The following STAU1 variants were observed in gnomAD, a reference collection of about 807,000 sequenced individuals.
The protein encoded by STAU1 is double-stranded RNA-binding protein Staufen homolog 1.
STAU1 carries 13 observed loss-of-function variants against 62.9 expected under a neutral mutation model. That is an observed-to-expected ratio of 0.21 (90% CI 0.13 to 0.33). STAU1 has a LOEUF of 0.33. Ranked by LOEUF, STAU1 falls within the 10% of genes least tolerant of loss-of-function variation. The pLI, the probability that STAU1 is intolerant of heterozygous loss-of-function variation, is 1.00. For missense variants in STAU1, 571 were observed against 712.1 expected (o/e 0.80, Z 2.25); for synonymous variants, 269 against 265.1 (o/e 1.01, Z -0.14).
intron 2 of STAU1, among the ~76,000 whole-genome samples, chr20:49,168,235 C>T (rs1178360844): frequency 6.6e-6 from 1 of 152,010 alleles, no homozygotes; most frequent in African/African-American, 2.4e-5. Flanking sequence ...CATGAGCCAC[C>T]ATGCCTGGCT....
In STAU1 at chr20:49,164,089, G is replaced by C. The variant is rs114892009; in HGVS notation, c.205+1908C>G. On this transcript the variant is annotated intron_variant, in intron 3 of 13. Coordinates refer to ENST00000371856, the MANE Select transcript of STAU1 (RefSeq NM_017453.4). Reference sequence around the variant, plus strand: ...TCTACTAAAAATACAAAACAGCCGAGCGTAGTGGCAGGCACCTGTAATCCC... The same window carrying C: ...TCTACTAAAAATACAAAACAGCCGACCGTAGTGGCAGGCACCTGTAATCCC... Among the ~76,000 whole-genome samples, 1,227 of 152,160 alleles carry C rather than the reference G, an allele frequency of 8.1e-3. 17 individuals are homozygous for C. Among genetic ancestry groups the C allele is most frequent in the African/African-American group, 0.028 (1,163 of 41,524 alleles).
chr20:49,129,279 A>ATTTTTT (rs1337866356), intron 6 of STAU1, among the ~76,000 whole-genome samples: 52 of 101,960 alleles, frequency 5.1e-4, no homozygotes, highest in African/African-American at 1.4e-3. Flanking sequence ...TTTAAAAAAA[A>ATTTTTT]ATTTTTTTTT....
chr20:49,144,822 C>T (rs1190188963), intron 5 of STAU1, among the ~76,000 whole-genome samples: 7 of 152,138 alleles, frequency 4.6e-5, no homozygotes, highest in Non-Finnish European at 7.4e-5. Flanking sequence ...CTTTATCATT[C>T]TTCCATTTTC....
chr20:49,170,532 T>C (rs2093583730), intron 2 of STAU1, among the ~76,000 whole-genome samples: 1 of 152,090 alleles, frequency 6.6e-6, no homozygotes, highest in African/African-American at 2.4e-5. Context: ...TTTGTGTTTT[T>C]AGTAGAAATG....
In STAU1 at chr20:49,135,941, T is replaced by C; in HGVS notation, c.511-10A>G. The C allele has an allele frequency of 1.2e-6, 2 of 1,605,334 alleles. No homozygotes were observed. The highest frequency in any genetic ancestry group is 1.7e-6 in the Non-Finnish European group (2 of 1,173,300). On this transcript the variant is annotated splice_polypyrimidine_tract_variant and intron_variant, in intron 5 of 13. Coordinates refer to ENST00000371856, the MANE Select transcript of STAU1 (RefSeq NM_017453.4). ...ATTCTCTTCCATTCACCTGTAAGAA[T>C]AATTGTTTAGTAGTTAGCTCTTATT...
At chr20:49,179,606 C>T (rs749119221) in intron 1 of STAU1, among the ~76,000 whole-genome samples, 2 of 152,194 alleles carry the variant, frequency 1.3e-5, no homozygotes, top group East Asian at 3.8e-4. Flanking sequence ...AAAGGACTGC[C>T]TAGCATTCTG....
intron 10 of STAU1, 71 bp downstream of exon 10, chr20:49,118,262 T>C: frequency 6.8e-7 from 1 of 1,470,184 alleles, no homozygotes; most frequent in Non-Finnish European, 9.5e-7. Flanking sequence ...GCTGGGCTCC[T>C]GCTGTTATTC....
chr20:49,157,776 C>T (rs1054720545), intron 3 of STAU1, among the ~76,000 whole-genome samples: 1 of 152,040 alleles, frequency 6.6e-6, no homozygotes, highest in Admixed American at 6.5e-5. Flanking sequence ...CCATGCCCGG[C>T]CCATACCTGG....
chr20:49,206,414 G>GTTTTTTT, the STAU1 span, among the ~76,000 whole-genome samples: 11 of 76,596 alleles, frequency 1.4e-4, no homozygotes, highest in African/African-American at 1.7e-4. Context: ...CTTCCTTCTG[G>GTTTTTTT]TTTTTTTTTT....
At chr20:49,124,716 A>C (rs776533008) in intron 6 of STAU1, 129 bp from the exon 7 acceptor site, 41 of 892,044 alleles carry the variant, frequency 4.6e-5, no homozygotes, top group Non-Finnish European at 6.1e-5. Flanking sequence ...AAATGAAAGG[A>C]AGCGGGGATC....
rs2093815684 is a variant in STAU1, at chr20:49,188,187, G to T, written c.-231C>A. 6.6e-6 allele frequency: 1 copy of T among 151,686 alleles called. No homozygotes were observed. Among genetic ancestry groups the T allele is most frequent in the African/African-American group, 2.4e-5 (1 of 41,312 alleles). The allele number at this position is 151,686 out of a possible 1,614,324, so 9.4% of individuals were successfully genotyped here. The stretch of plus-strand genomic sequence containing the variant: ...TGGCGGCGAGGAGGGGAAGGAAGAA[G>T]GAAAAAAGGGAGAGGAAGAAGGGAC... On this transcript the variant is annotated 5_prime_UTR_variant, in exon 1 of 14. Coordinates refer to ENST00000371856, the MANE Select transcript of STAU1 (RefSeq NM_017453.4).
rs754447676 is a variant in STAU1, at chr20:49,118,415, AAAG to A, written c.1114-10_1114-8del. On this transcript the variant is annotated splice_region_variant and splice_polypyrimidine_tract_variant and intron_variant, in intron 9 of 13. Coordinates refer to ENST00000371856, the MANE Select transcript of STAU1 (RefSeq NM_017453.4). ...CTGGTTTCTTTATGGGTGTCTTAAA[AAAG>A]AAGAAGAAAAAAAAAAGGCCATGAG... is the stretch of plus-strand genomic sequence containing the variant. 3.6e-5 allele frequency: 58 copies of A among 1,598,808 alleles called. No homozygotes were observed. Among genetic ancestry groups the A allele is most frequent in the Middle Eastern group, 1.7e-4 (1 of 6,014 alleles).
the STAU1 span, among the ~76,000 whole-genome samples, chr20:49,212,813 G>T: frequency 6.6e-6 from 1 of 151,454 alleles, no homozygotes; most frequent in East Asian, 1.9e-4. Context: ...GGTCAGGCTG[G>T]TCTCGAACTC....
At chr20:49,133,047 C>T (rs570191982) in intron 6 of STAU1, among the ~76,000 whole-genome samples, 87 of 152,216 alleles carry the variant, frequency 5.7e-4, no homozygotes, top group Middle Eastern at 6.8e-3. Flanking sequence ...TAAGCACTCA[C>T]GCCACCAACT....
At chr20:49,139,739 A>G (rs2146089174) in intron 5 of STAU1, among the ~76,000 whole-genome samples, 1 of 152,028 alleles carries the variant, frequency 6.6e-6, no homozygotes, top group Non-Finnish European at 1.5e-5. Context: ...AAAAAAAAAA[A>G]TCCACAGTAA....
intron 3 of STAU1, among the ~76,000 whole-genome samples, chr20:49,154,635 G>T (rs1307768087): frequency 6.6e-6 from 1 of 152,232 alleles, no homozygotes; most frequent in Non-Finnish European, 1.5e-5. Flanking sequence ...GGAGGCCAAG[G>T]CAGGAGGATC....
At chr20:49,181,088 G>A (rs2093719226) in intron 1 of STAU1, among the ~76,000 whole-genome samples, 1 of 152,090 alleles carries the variant, frequency 6.6e-6, no homozygotes, top group Admixed American at 6.6e-5. Flanking sequence ...AGCATCCTCA[G>A]CAATTATTAT....
chr20:49,196,697 G>A, the STAU1 span, among the ~76,000 whole-genome samples: 25 of 151,584 alleles, frequency 1.6e-4, no homozygotes, highest in African/African-American at 5.8e-4. Flanking sequence ...CCCAGGAGCC[G>A]GAGGCTGCAG....
chr20:49,171,814 G>A (rs757908536), intron 2 of STAU1, among the ~76,000 whole-genome samples: 3 of 151,340 alleles, frequency 2.0e-5, no homozygotes, highest in East Asian at 1.9e-4. Context: ...CAAAATGACC[G>A]CTTTAAGGTC....
Sources: allele counts gnomAD v4.1 joint callset (sites outside exome capture counted in the v4.1 genomes callset), GRCh38; gene constraint gnomAD v4.1.1; transcripts MANE v1.5; gene names NCBI Gene and HGNC (gene_info 2026-07-23, HGNC 2026-07-21).